Variants in ATXN1 observed in about 807,000 individuals in gnomAD.
The protein encoded by ATXN1 is ataxin 1.
In ATXN1, 8 loss-of-function variants were observed where a neutral mutation model predicts 56.4. The ratio of observed to expected loss-of-function variants is 0.14; its 90% CI spans 0.08 to 0.26. The LOEUF (loss-of-function observed/expected upper bound fraction) is 0.26. Among genes scored for constraint, ATXN1 ranks in the 10% least tolerant of loss-of-function variants. ATXN1 has a pLI of 1.00. For synonymous variants in ATXN1, 514 were observed against 494.6 expected (o/e 1.04, Z -0.52); for missense variants, 987 against 1,106.5 (o/e 0.89, Z 1.53).
intron 3 of ATXN1, among the ~76,000 whole-genome samples, chr6:16,602,668 T>G (rs1225871343): frequency 1.3e-5 from 2 of 152,140 alleles, no homozygotes; most frequent in Non-Finnish European, 2.9e-5. Flanking sequence ...GCCAGAATGG[T>G]CTTGATCTCT....
intron 6 of ATXN1, among the ~76,000 whole-genome samples, chr6:16,330,539 G>A (rs1581694445): frequency 6.6e-6 from 1 of 151,678 alleles, no homozygotes; most frequent in Non-Finnish European, 1.5e-5. Context: ...ACAGGTGCAC[G>A]CCACCACACC....
At chr6:16,659,037 C>A (rs1014552971) in intron 2 of ATXN1, among the ~76,000 whole-genome samples, 30 of 152,032 alleles carry the variant, frequency 2.0e-4, no homozygotes, top group African/African-American at 7.0e-4. Flanking sequence ...ACCTTTTTTT[C>A]GGGACGTTTG....
At chr6:16,538,152 C>A (rs1355858985) in intron 4 of ATXN1, among the ~76,000 whole-genome samples, 1 of 152,144 alleles carries the variant, frequency 6.6e-6, no homozygotes, top group East Asian at 1.9e-4. Context: ...CTCTCTTTGC[C>A]CTCAAGACCT....
chr6:16,533,850 T>C (rs1473561967), intron 4 of ATXN1, among the ~76,000 whole-genome samples: 3 of 152,078 alleles, frequency 2.0e-5, no homozygotes, highest in Non-Finnish European at 4.4e-5. Flanking sequence ...GCACAAGAGG[T>C]GACTTCATGG....
chr6:16,618,081 C>T (rs1014624740), intron 3 of ATXN1, among the ~76,000 whole-genome samples: 56 of 151,722 alleles, frequency 3.7e-4, no homozygotes, highest in Admixed American at 9.2e-4. Flanking sequence ...AAAATTGCAG[C>T]CATAAAAAAG....
At chr6:16,335,420 G>C (rs925427860) in intron 6 of ATXN1, among the ~76,000 whole-genome samples, 4 of 152,174 alleles carry the variant, frequency 2.6e-5, no homozygotes, top group Non-Finnish European at 5.9e-5. Context: ...TTCCCTTCTC[G>C]GCTCTGCACC....
At chr6:16,679,717 T>C (rs1475182164) in intron 2 of ATXN1, among the ~76,000 whole-genome samples, 2 of 152,218 alleles carry the variant, frequency 1.3e-5, no homozygotes, top group African/African-American at 4.8e-5. Flanking sequence ...GTCTGTACAT[T>C]CAAACCATTC....
chr6:16,408,114 G>C (rs1285380959), intron 6 of ATXN1, among the ~76,000 whole-genome samples: 1 of 152,062 alleles, frequency 6.6e-6, no homozygotes, highest in African/African-American at 2.4e-5. Flanking sequence ...GAGACCGTGG[G>C]GCCATAAAGA....
intron 2 of ATXN1, among the ~76,000 whole-genome samples, chr6:16,713,255 C>T (rs1021313877): frequency 2.0e-5 from 3 of 152,138 alleles, no homozygotes; most frequent in African/African-American, 4.8e-5. Context: ...AATACAATTG[C>T]GGTAATCAGC....
intron 6 of ATXN1, among the ~76,000 whole-genome samples, chr6:16,430,589 A>G (rs892137130): frequency 6.6e-6 from 1 of 152,194 alleles, no homozygotes; most frequent in Non-Finnish European, 1.5e-5. Context: ...AGCCAAAGAA[A>G]GCTTTTTCCC....
At chr6:16,631,193 C>T (rs768104471) in intron 3 of ATXN1, among the ~76,000 whole-genome samples, 2 of 152,136 alleles carry the variant, frequency 1.3e-5, no homozygotes, top group Non-Finnish European at 1.5e-5. Context: ...GTCTTAAAGA[C>T]GATAAATTAT....
intron 4 of ATXN1, among the ~76,000 whole-genome samples, chr6:16,577,215 A>G (rs777812182): frequency 1.1e-4 from 17 of 152,148 alleles, no homozygotes; most frequent in Admixed American, 2.6e-4. Flanking sequence ...ACTCACAGGC[A>G]ATATTTACTA....
chr6:16,436,289 A>G (rs1425884506), intron 6 of ATXN1, among the ~76,000 whole-genome samples: 7 of 152,222 alleles, frequency 4.6e-5, no homozygotes, highest in Admixed American at 4.6e-4. Context: ...TAACACCCTC[A>G]TAACCCATTA....
At chr6:16,330,069 TTTTC>T (rs10588280) in intron 6 of ATXN1, among the ~76,000 whole-genome samples, 29,222 of 151,310 alleles carry the variant, frequency 0.19, 5,076 homozygotes, top group African/African-American at 0.45. Flanking sequence ...AATGATCTGA[TTTTC>T]TTTCTTTCTT....
intron 5 of ATXN1, among the ~76,000 whole-genome samples, chr6:16,515,258 T>C (rs1761159703): frequency 6.6e-6 from 1 of 151,872 alleles, no homozygotes; most frequent in Non-Finnish European, 1.5e-5. Flanking sequence ...TTCTCCACCA[T>C]CTCACGGGAT....
intron 4 of ATXN1, among the ~76,000 whole-genome samples, chr6:16,572,084 T>C (rs1394801850): frequency 6.6e-6 from 1 of 152,188 alleles, no homozygotes; most frequent in Non-Finnish European, 1.5e-5. Flanking sequence ...ATCATAAAGG[T>C]ATTTGAAGTT....
intron 6 of ATXN1, among the ~76,000 whole-genome samples, chr6:16,432,159 G>A (rs538520960): frequency 1.3e-5 from 2 of 152,092 alleles, no homozygotes; most frequent in South Asian, 2.1e-4. Flanking sequence ...TTCAAAAATC[G>A]ATTTCCTCTG....
chr6:16,612,581 A>C (rs1176591271), intron 3 of ATXN1, among the ~76,000 whole-genome samples: 1 of 152,156 alleles, frequency 6.6e-6, no homozygotes, highest in Non-Finnish European at 1.5e-5. Context: ...ATTAAAAATA[A>C]AAGATCAACT....
intron 6 of ATXN1, among the ~76,000 whole-genome samples, chr6:16,380,424 T>C (rs1758077890): frequency 6.6e-6 from 1 of 152,170 alleles, no homozygotes; most frequent in South Asian, 2.1e-4. Flanking sequence ...TGTGTCTGGA[T>C]TTCTGTGTTT....
Sources: gnomAD v4.1 joint callset for allele counts (sites outside exome capture counted in the v4.1 genomes callset) on GRCh38, gnomAD v4.1.1 for gene constraint, MANE v1.5 for transcripts, NCBI Gene and HGNC (gene_info 2026-07-23, HGNC 2026-07-21) for gene names.